The following ANKRD31 variants were observed in gnomAD, a reference collection of about 807,000 sequenced individuals.
ANKRD31 encodes the protein ankyrin repeat domain 31, also known as ankyrin repeat domain-containing protein 31.
ANKRD31 carries 147 observed loss-of-function variants against 186.0 expected under a neutral mutation model. That is an observed-to-expected ratio of 0.79 (90% CI 0.69 to 0.91). The LOEUF (loss-of-function observed/expected upper bound fraction) is 0.91. ANKRD31 is among the 40% of genes least tolerant of loss of function. The pLI is 0.00. For synonymous variants in ANKRD31, 673 were observed against 736.4 expected (o/e 0.91, Z 1.39); for missense variants, 1,986 against 2,148.8 (o/e 0.92, Z 1.50).
intron 2 of ANKRD31, among the ~76,000 whole-genome samples, chr5:75,224,248 G>T (rs891732823): frequency 1.4e-5 from 2 of 146,788 alleles, no homozygotes; most frequent in African/African-American, 5.2e-5. Context: ...ACAAAAGTTG[G>T]AAGAAGGTAA....
At chr5:75,168,721 A>C (rs530879394) in intron 11 of ANKRD31, among the ~76,000 whole-genome samples, 8 of 112,362 alleles carry the variant, frequency 7.1e-5, no homozygotes, top group Non-Finnish European at 9.9e-5. Context: ...AGGAGTTTTA[A>C]AGGAAAACAA....
intron 5 of ANKRD31, among the ~76,000 whole-genome samples, chr5:75,201,567 C>T (rs1293089180): frequency 3.3e-5 from 5 of 152,100 alleles, no homozygotes; most frequent in African/African-American, 1.2e-4. Context: ...TCATAAGAAA[C>T]AACTCTTATA....
chr5:75,073,899 A>G (rs1473534913), intron 25 of ANKRD31, among the ~76,000 whole-genome samples: 1 of 152,186 alleles, frequency 6.6e-6, no homozygotes, highest in African/African-American at 2.4e-5. Context: ...CTTTATTACT[A>G]AAGTCAATAG....
At chr5:75,177,996 G>A (rs1037013633) in intron 10 of ANKRD31, among the ~76,000 whole-genome samples, 7 of 152,050 alleles carry the variant, frequency 4.6e-5, no homozygotes, top group African/African-American at 9.7e-5. Flanking sequence ...TCCATCTCAC[G>A]TGCAGAGACA....
chr5:75,235,303 T>C (rs993847152), intron 1 of ANKRD31, among the ~76,000 whole-genome samples: 1 of 145,984 alleles, frequency 6.9e-6, no homozygotes, highest in Non-Finnish European at 1.5e-5. Context: ...TGGAGTGCAG[T>C]GGAGTCATTT....
intron 9 of ANKRD31, among the ~76,000 whole-genome samples, chr5:75,189,092 G>A (rs1754929865): frequency 1.3e-5 from 2 of 152,144 alleles, no homozygotes; most frequent in South Asian, 4.1e-4. Context: ...AGGCATATAA[G>A]ATACAAAAAC....
intron 10 of ANKRD31, among the ~76,000 whole-genome samples, chr5:75,184,796 A>T (rs755990499): frequency 3.9e-5 from 6 of 152,220 alleles, no homozygotes; most frequent in African/African-American, 7.2e-5. Context: ...TATGAAAAAC[A>T]ATATGGAGAT....
At chr5:75,206,381 C>G in intron 5 of ANKRD31, 30 bp downstream of exon 5, 1 of 1,328,386 alleles carries the variant, frequency 7.5e-7, no homozygotes, top group Non-Finnish European at 9.7e-7. Flanking sequence ...AGACTAATTT[C>G]CTTTATATGA....
At chr5:75,116,191 T>G (rs1280846593) in intron 19 of ANKRD31, among the ~76,000 whole-genome samples, 2 of 139,050 alleles carry the variant, frequency 1.4e-5, no homozygotes, top group African/African-American at 5.4e-5. Context: ...TTCTCACTCA[T>G]AGGTGGGAAT....
chr5:75,227,229 A>T (rs1424832970), intron 2 of ANKRD31, among the ~76,000 whole-genome samples: 2 of 152,174 alleles, frequency 1.3e-5, no homozygotes. Flanking sequence ...AATCACAACA[A>T]TTGAACTCAT....
At position 75,146,019 on chromosome 5, in the gene ANKRD31, T is replaced by G. The variant is rs1429729231; in HGVS notation, c.3392A>C (p.Gln1131Pro). 4.0e-6 allele frequency: 6 copies of G among 1,496,252 alleles called. No homozygotes were observed. Among genetic ancestry groups the G allele is most frequent in the Non-Finnish European group, 4.4e-6 (5 of 1,131,062 alleles). 92.7% of individuals were successfully genotyped at this position (1,496,252 alleles called of 1,614,324 possible). Reference protein sequence around the residue: ...KELANISKLSQREKKEISHKP... With the variant: ...KELANISKLSPREKKEISHKP... ...GTGAGAAATTTCCTTCTTTTCTCTT[T>G]GACTAAGTTTTGAGATGTTGGCCAA... The change falls in exon 14 of 26, where the codon CAA (glutamine) becomes CCA (proline). Residue 1131 changes from glutamine (Q) to proline (P), a missense_variant. Gln to Pro is a moderately conservative substitution (Grantham distance 76). Coordinates refer to ENST00000506364, the MANE Select transcript of ANKRD31 (RefSeq NM_001372053.1).
chr5:75,220,596 C>T (rs1231134793), intron 3 of ANKRD31, among the ~76,000 whole-genome samples: 3 of 150,736 alleles, frequency 2.0e-5, no homozygotes, highest in Non-Finnish European at 4.4e-5. Flanking sequence ...GAGCTGTGAT[C>T]ATGTCATTGC....
At chr5:75,164,201 C>T (rs1462125375) in intron 11 of ANKRD31, among the ~76,000 whole-genome samples, 1 of 152,112 alleles carries the variant, frequency 6.6e-6, no homozygotes, top group Non-Finnish European at 1.5e-5. Flanking sequence ...AGTGAGCCAC[C>T]TTAGAAACAG....
At position 75,203,859 on chromosome 5, in the gene ANKRD31, C is replaced by T. The variant is rs75941636; in HGVS notation, c.403+2552G>A. 2.4e-3 allele frequency among the ~76,000 whole-genome samples: 369 copies of T among 152,098 alleles called. 9 individuals are homozygous for T. The East Asian group carries it at 0.062, about 26-fold the overall frequency. On this transcript the variant is annotated intron_variant, in intron 5 of 25. Transcript: ENST00000506364. ...ATAAACATGACTCTTTTTGTTTAAT[C>T]CATAACTACATCTTGTAAAAAGTGC...
chr5:75,210,792 C>G, intron 4 of ANKRD31, 36 bp downstream of exon 4: 1 of 1,417,802 alleles, frequency 7.1e-7, no homozygotes, highest in Non-Finnish European at 9.3e-7. Context: ...ACAAAAATAC[C>G]TACAACATAA....
intron 10 of ANKRD31, among the ~76,000 whole-genome samples, chr5:75,174,785 T>A (rs1222470506): frequency 2.0e-5 from 3 of 152,100 alleles, no homozygotes; most frequent in Admixed American, 2.0e-4. Flanking sequence ...TTGGTGGGAG[T>A]GTAAATTAGT....
chr5:75,231,922 C>CACAG (rs1329732182), intron 1 of ANKRD31, among the ~76,000 whole-genome samples: 1 of 150,926 alleles, frequency 6.6e-6, no homozygotes, highest in Non-Finnish European at 1.5e-5. Context: ...CACACACACA[C>CACAG]ACACACACAC....
intron 22 of ANKRD31, among the ~76,000 whole-genome samples, chr5:75,098,027 T>G (rs970768294): frequency 6.9e-6 from 1 of 144,330 alleles, no homozygotes; most frequent in Non-Finnish European, 1.5e-5. Context: ...TATATCTCTG[T>G]TTTTTTTTTT....
Position 75,112,534 on chromosome 5 carries a change from T to C in ANKRD31, c.4222A>G (p.Ile1408Val), listed in dbSNP as rs188278515. The C allele has an allele frequency of 6.6e-7, 1 of 1,519,350 alleles. No homozygotes were observed. Among genetic ancestry groups the C allele is most frequent in the Admixed American group, 2.0e-5 (1 of 50,412 alleles). The allele number at this position is 1,519,350 out of a possible 1,614,324, so 94.1% of individuals were successfully genotyped here. ...TTACCTGCATCTTCAGGGTTTCTTA[T>C]TTCAAACTCTAATAAATATTCTTGT... ...EKQEYLLEFE[I>V]RNPEDAEQYI... Residue 1408 changes from isoleucine to valine, a missense_variant, in exon 20 of 26, where the codon ATA becomes GTA. Ile to Val is a conservative substitution (Grantham distance 29, BLOSUM62 3). Transcript: ENST00000506364.
Sources: allele counts gnomAD v4.1 joint callset (sites outside exome capture counted in the v4.1 genomes callset), GRCh38; gene constraint gnomAD v4.1.1; transcripts MANE v1.5; gene names NCBI Gene and HGNC (gene_info 2026-07-23, HGNC 2026-07-21).